The following DAW1 variants were observed in gnomAD, a reference collection of about 807,000 sequenced individuals.
DAW1 encodes the protein dynein assembly factor with WD repeats 1.
A neutral mutation model predicts 56.5 loss-of-function variants in DAW1; 47 were observed. That is an observed-to-expected ratio of 0.83 (90% confidence interval 0.66 to 1.06). DAW1 has a LOEUF of 1.06. Ranked by LOEUF, DAW1 falls within the 50% of genes least tolerant of loss-of-function variation. The probability of loss-of-function intolerance (pLI) is 0.00; values close to 1 mark genes in which losing one functional copy is unlikely to be tolerated. For missense variants in DAW1, 505 were observed against 499.3 expected (o/e 1.01, Z -0.11); for synonymous variants, 190 against 179.0 (o/e 1.06, Z -0.49).
At chr2:227,915,456 C>G (rs1489812572) in intron 10 of DAW1, among the ~76,000 whole-genome samples, 1 of 151,942 alleles carries the variant, frequency 6.6e-6, no homozygotes, top group African/African-American at 2.4e-5. Flanking sequence ...TTCCTAATGA[C>G]CATGTTTGAT....
At chr2:227,891,544 T>C (rs1484594492) in intron 4 of DAW1, among the ~76,000 whole-genome samples, 4 of 152,202 alleles carry the variant, frequency 2.6e-5, no homozygotes, top group Non-Finnish European at 5.9e-5. Flanking sequence ...CAAATGTAGC[T>C]ACTGAAGAAC....
At chr2:227,913,168 T>G (rs999770082) in intron 10 of DAW1, among the ~76,000 whole-genome samples, 12 of 152,176 alleles carry the variant, frequency 7.9e-5, no homozygotes, top group Non-Finnish European at 1.6e-4. Flanking sequence ...CATGAGAAGA[T>G]CATCTTCTTG....
chr2:227,871,761 G>C (rs755895901), intron 1 of DAW1, 32 bp downstream of exon 1: 4 of 1,613,048 alleles, frequency 2.5e-6, no homozygotes, highest in Non-Finnish European at 3.4e-6. Flanking sequence ...TCATCCCCAC[G>C]TGGGACCCTG....
intron 10 of DAW1, among the ~76,000 whole-genome samples, chr2:227,909,229 ATATTATC>A (rs1258414884): frequency 1.1e-5 from 1 of 90,328 alleles, no homozygotes; most frequent in African/African-American, 4.2e-5. Flanking sequence ...AAAGGTGGTG[ATATTATC>A]TATCTATCTA....
chr2:227,912,104 A>C, intron 10 of DAW1: 1 of 355,248 alleles, frequency 2.8e-6, no homozygotes, highest in Non-Finnish European at 5.5e-6. Flanking sequence ...TCTATGCCAT[A>C]CCATACCATA....
In DAW1 at chr2:227,918,811, A is replaced by G; in HGVS notation, c.1005A>G (p.Arg335=). Reference sequence around the variant, plus strand: ...CAAGAATTTTCAGTGCTGCCACAAGAAAATGCATTGCCAAACTGGAAGGTC... The same window carrying G: ...CAAGAATTTTCAGTGCTGCCACAAGGAAATGCATTGCCAAACTGGAAGGTC... The part of the protein sequence containing the change: ...GTARIFSAAT[R]KCIAKLEGHE... The change falls in exon 11 of 13, where the codon AGA becomes AGG. Residue 335 remains arginine (R), a synonymous_variant. Transcript: ENST00000309931. The G allele has an allele frequency of 6.2e-7, 1 of 1,614,162 alleles. No individual in the cohort carries two copies. Among genetic ancestry groups the G allele is most frequent in the Non-Finnish European group, 8.5e-7 (1 of 1,180,028 alleles).
At chr2:227,913,982 A>G (rs574707654) in intron 10 of DAW1, among the ~76,000 whole-genome samples, 1 of 126,976 alleles carries the variant, frequency 7.9e-6, no homozygotes, top group South Asian at 2.5e-4. Flanking sequence ...AGAGTCATAT[A>G]TCTGTATCTC....
At chr2:227,882,863 C>T (rs181227013) in intron 1 of DAW1, among the ~76,000 whole-genome samples, 200 of 152,292 alleles carry the variant, frequency 1.3e-3, no homozygotes, top group Non-Finnish European at 2.3e-3. Context: ...TGCCTTGCTT[C>T]CTCCTTTCCT....
At chr2:227,890,264 A>G (rs1381489766) in intron 3 of DAW1, among the ~76,000 whole-genome samples, 5 of 151,574 alleles carry the variant, frequency 3.3e-5, no homozygotes, top group Admixed American at 6.6e-5. Context: ...TATTATTAAG[A>G]TAGTTTTAAG....
chr2:227,910,406 AGGT>A (rs1446033409), intron 10 of DAW1, among the ~76,000 whole-genome samples: 1 of 151,958 alleles, frequency 6.6e-6, no homozygotes, highest in African/African-American at 2.4e-5. Context: ...GAGGAGTTCA[AGGT>A]TACAGCGAAC....
intron 6 of DAW1, among the ~76,000 whole-genome samples, chr2:227,902,086 G>T (rs1424465111): frequency 6.6e-6 from 1 of 152,124 alleles, no homozygotes; most frequent in Non-Finnish European, 1.5e-5. Context: ...CAGGAGTGGG[G>T]AACAGGAGAA....
At chr2:227,903,238 C>T (rs1326568937) in intron 7 of DAW1, 129 bp downstream of exon 7, 1 of 919,472 alleles carries the variant, frequency 1.1e-6, no homozygotes, top group Non-Finnish European at 1.7e-6. Context: ...AAGAGTGTCC[C>T]TACTGGTTTC....
chr2:227,919,788 A>G (rs960874201), intron 11 of DAW1, among the ~76,000 whole-genome samples: 4 of 152,128 alleles, frequency 2.6e-5, no homozygotes, highest in Non-Finnish European at 5.9e-5. Context: ...GCTCAGCACA[A>G]TCCCTTGGTT....
At chr2:227,906,645 A>AGCC (rs1482825139) in intron 9 of DAW1, among the ~76,000 whole-genome samples, 1 of 152,186 alleles carries the variant, frequency 6.6e-6, no homozygotes, top group Non-Finnish European at 1.5e-5. Flanking sequence ...ACCCTCAAGG[A>AGCC]GCCTCAAACA....
chr2:227,900,415 G>A (rs559601770), intron 6 of DAW1, among the ~76,000 whole-genome samples: 1 of 152,122 alleles, frequency 6.6e-6, no homozygotes, highest in African/African-American at 2.4e-5. Flanking sequence ...TGGCCTACAT[G>A]CTTAGGGTAT....
At chr2:227,904,552 C>G (rs950065855) in intron 7 of DAW1, among the ~76,000 whole-genome samples, 1 of 152,148 alleles carries the variant, frequency 6.6e-6, no homozygotes, top group Non-Finnish European at 1.5e-5. Flanking sequence ...GTTATTAGCC[C>G]ATGGCATCCC....
chr2:227,880,312 G>GTTTTTTTTT (rs1690979488), intron 1 of DAW1, among the ~76,000 whole-genome samples: 1 of 149,510 alleles, frequency 6.7e-6, no homozygotes. Context: ...ATACAGCTAG[G>GTTTTTTTTT]TTTAAAAATA....
Position 227,918,757 on chromosome 2 carries a change from A to G in DAW1, c.974-23A>G, listed in dbSNP as rs1030092412. On this transcript the variant is annotated intron_variant, in intron 10 of 12. Coordinates refer to ENST00000309931, the MANE Select transcript of DAW1 (RefSeq NM_178821.3). ...TTCTGTATTTAAGATGAATTTATAT[A>G]TATCCCCACCCCTCTCAAAAAGGAA... 6 of 1,612,722 alleles carry G rather than the reference A, an allele frequency of 3.7e-6. No individual in the cohort carries two copies. The Admixed American group carries it at 1.0e-4, about 27-fold the overall frequency.
At chr2:227,904,791 T>C in intron 7 of DAW1, 138 bp from the exon 8 acceptor site, 1 of 677,912 alleles carries the variant, frequency 1.5e-6, no homozygotes, top group Non-Finnish European at 2.4e-6. Context: ...ACACTCCCCA[T>C]CCTCACCCCA....
Sources: gnomAD v4.1 joint callset for allele counts (sites outside exome capture counted in the v4.1 genomes callset) on GRCh38, gnomAD v4.1.1 for gene constraint, MANE v1.5 for transcripts, NCBI Gene and HGNC (gene_info 2026-07-23, HGNC 2026-07-21) for gene names.